The following CAB39 variants were observed in gnomAD, a reference collection of about 807,000 sequenced individuals.
The protein encoded by CAB39 is calcium-binding protein 39.
In CAB39, 8 loss-of-function variants were observed where a neutral mutation model predicts 40.0. The observed-to-expected ratio is 0.20, with a 90% CI of 0.12 to 0.36. CAB39 has a LOEUF of 0.36. Among genes scored for constraint, CAB39 ranks in the 10% least tolerant of loss-of-function variants. The pLI is 1.00. For synonymous variants in CAB39, 156 were observed against 141.6 expected, an observed-to-expected ratio of 1.10 and a Z score of -0.72; for missense variants, 270 against 401.1, an observed-to-expected ratio of 0.67 and a Z score of 2.79.
At chr2:230,729,016 C>T (rs1694636527) in intron 1 of CAB39, among the ~76,000 whole-genome samples, 1 of 152,170 alleles carries the variant, frequency 6.6e-6, no homozygotes, top group African/African-American at 2.4e-5. Flanking sequence ...TTACTGTGTG[C>T]CAAGTAAGTG....
At chr2:230,749,669 A>AT (rs1332433895) in intron 1 of CAB39, among the ~76,000 whole-genome samples, 1 of 152,162 alleles carries the variant, frequency 6.6e-6, no homozygotes, top group Non-Finnish European at 1.5e-5. Context: ...AGAAGCATTG[A>AT]TTTTAAATGA....
chr2:230,778,463 A>G (rs796906966), intron 2 of CAB39, among the ~76,000 whole-genome samples: 9 of 152,332 alleles, frequency 5.9e-5, no homozygotes, highest in African/African-American at 2.2e-4. Context: ...AATTGCCTCT[A>G]GTGACAGTAA....
intron 2 of CAB39, among the ~76,000 whole-genome samples, chr2:230,765,343 C>T (rs191611077): frequency 6.6e-6 from 1 of 152,176 alleles, no homozygotes; most frequent in Non-Finnish European, 1.5e-5. Context: ...ATGCTTGGTT[C>T]ATGATGGTGT....
intron 1 of CAB39, among the ~76,000 whole-genome samples, chr2:230,727,647 C>T (rs994650581): frequency 3.3e-5 from 5 of 151,540 alleles, no homozygotes; most frequent in African/African-American, 1.2e-4. Flanking sequence ...GAACTGGGCT[C>T]CAGTGATCCA....
At chr2:230,730,695 C>T (rs369919904) in intron 1 of CAB39, among the ~76,000 whole-genome samples, 1 of 152,108 alleles carries the variant, frequency 6.6e-6, no homozygotes, top group Non-Finnish European at 1.5e-5. Flanking sequence ...CCACCTGCCT[C>T]GGCCTCCCAA....
chr2:230,740,841 CAATGGTT>C (rs1349870550), intron 1 of CAB39, among the ~76,000 whole-genome samples: 3 of 152,156 alleles, frequency 2.0e-5, no homozygotes, highest in Non-Finnish European at 1.5e-5. Flanking sequence ...CAGTAGTATA[CAATGGTT>C]GAAGATGGGG....
At position 230,798,349 on chromosome 2, in the gene CAB39, G is replaced by T. The variant is rs537796498; in HGVS notation, c.399-380G>T. ...GGAAATATTTTGTTTTCTGTTTTTT[G>T]ATTTAGCTTTTGGTTTTTCTGAGTG... On this transcript the variant is annotated intron_variant, in intron 4 of 8. Transcript: ENST00000258418. Among the ~76,000 whole-genome samples, 58 of 152,242 alleles carry T rather than the reference G, an allele frequency of 3.8e-4. 1 individual carries two copies. The South Asian group carries it at 0.011, about 28-fold the overall frequency.
intron 2 of CAB39, among the ~76,000 whole-genome samples, chr2:230,789,521 G>A (rs76037529): frequency 0.02 from 2,990 of 152,312 alleles, 91 homozygotes; most frequent in African/African-American, 0.068. Context: ...AACCCCCTGA[G>A]TACTTTGCTT....
Position 230,767,890 on chromosome 2 carries a change from C to G in CAB39, c.114+7775C>G, listed in dbSNP as rs555678599. ...CCTAGTGCTCTATTTGGCTTACCTC[C>G]TATATTTTTCAAGTCTTTGCTCAAG... On this transcript the variant is annotated intron_variant, in intron 2 of 8. Coordinates refer to ENST00000258418, the MANE Select transcript of CAB39 (RefSeq NM_016289.4). Among the ~76,000 whole-genome samples, 77 of 152,216 alleles carry G rather than the reference C, an allele frequency of 5.1e-4. 1 individual carries two copies. Among genetic ancestry groups the G allele is most frequent in the African/African-American group, 1.7e-3 (69 of 41,542 alleles).
intron 2 of CAB39, among the ~76,000 whole-genome samples, chr2:230,776,400 G>T (rs1034978135): frequency 1.3e-5 from 2 of 152,098 alleles, no homozygotes; most frequent in Non-Finnish European, 2.9e-5. Context: ...ATTGACATTG[G>T]TATAATCCAC....
chr2:230,773,502 C>T (rs190644130), intron 2 of CAB39, among the ~76,000 whole-genome samples: 19 of 152,200 alleles, frequency 1.2e-4, no homozygotes, highest in African/African-American at 4.6e-4. Context: ...GATTGCAATA[C>T]TTGAAATACA....
intron 2 of CAB39, among the ~76,000 whole-genome samples, chr2:230,787,293 G>T (rs1553675172): frequency 2.0e-5 from 3 of 152,162 alleles, no homozygotes; most frequent in Non-Finnish European, 4.4e-5. Context: ...ATGATTCAAA[G>T]ATATGATGGG....
chr2:230,810,421 G>T, intron 6 of CAB39, 99 bp downstream of exon 6: 1 of 498,968 alleles, frequency 2.0e-6, no homozygotes, highest in Non-Finnish European at 3.6e-6. Flanking sequence ...TATTTATTTT[G>T]CATATGTAAT....
intron 1 of CAB39, among the ~76,000 whole-genome samples, chr2:230,751,953 T>C (rs2124907286): frequency 6.6e-6 from 1 of 151,640 alleles, no homozygotes; most frequent in Non-Finnish European, 1.5e-5. Flanking sequence ...ATAACCGTTT[T>C]TTAAAAGCTC....
intron 5 of CAB39, among the ~76,000 whole-genome samples, chr2:230,801,129 AGAG>A (rs904448211): frequency 1.3e-5 from 2 of 152,218 alleles, no homozygotes; most frequent in Non-Finnish European, 2.9e-5. Flanking sequence ...GAAGGAGCTG[AGAG>A]GAGAGGCCCC....
At chr2:230,748,831 AATATATATATATAT>A (rs71052546) in intron 1 of CAB39, among the ~76,000 whole-genome samples, 578 of 28,542 alleles carry the variant, frequency 0.02, 31 homozygotes, top group Middle Eastern at 0.077. Context: ...AAAAAAAAAA[AATATATATATATAT>A]ATATATATAT....
intron 1 of CAB39, among the ~76,000 whole-genome samples, chr2:230,715,039 T>G (rs1331763576): frequency 6.6e-6 from 1 of 152,246 alleles, no homozygotes; most frequent in Non-Finnish European, 1.5e-5. Context: ...CACTTAGATT[T>G]GGTTACTGCT....
chr2:230,783,348 T>C (rs895733938), intron 2 of CAB39, among the ~76,000 whole-genome samples: 2 of 152,236 alleles, frequency 1.3e-5, no homozygotes, highest in Non-Finnish European at 2.9e-5. Flanking sequence ...TGTAATTCTT[T>C]AGCTGGCTCC....
At chr2:230,745,077 A>T (rs57459244) in intron 1 of CAB39, among the ~76,000 whole-genome samples, 4,995 of 152,364 alleles carry the variant, frequency 0.033, 269 homozygotes, top group African/African-American at 0.11. Context: ...TAAGAGGAAC[A>T]TAAGTGTTTT....
Sources: allele counts gnomAD v4.1 joint callset (sites outside exome capture counted in the v4.1 genomes callset), GRCh38; gene constraint gnomAD v4.1.1; transcripts MANE v1.5; gene names NCBI Gene and HGNC (gene_info 2026-07-23, HGNC 2026-07-21).